PNPT1: variants seen among roughly 807,000 people sequenced by gnomAD.
PNPT1 encodes the protein polyribonucleotide nucleotidyltransferase 1, mitochondrial.
A neutral mutation model predicts 119.5 loss-of-function variants in PNPT1; 53 were observed. The ratio of observed to expected loss-of-function variants is 0.44; its 90% CI spans 0.36 to 0.56. The LOEUF (loss-of-function observed/expected upper bound fraction) is 0.56, where lower values mean the gene tolerates loss of function less well. PNPT1 is among the 20% of genes least tolerant of loss of function. The pLI is 0.00. For synonymous variants in PNPT1, 357 were observed against 322.1 expected, an observed-to-expected ratio of 1.11 and a Z score of -1.16; for missense variants, 948 against 938.5, an observed-to-expected ratio of 1.01 and a Z score of -0.13.
intron 18 of PNPT1, among the ~76,000 whole-genome samples, chr2:55,653,271 T>C (rs773952829): frequency 1.3e-5 from 2 of 152,234 alleles, no homozygotes; most frequent in Non-Finnish European, 2.9e-5. Context: ...CTTCCAATAA[T>C]AAGAACGTTT....
chr2:55,656,407 T>C (rs1433896360), intron 15 of PNPT1, 36 bp from the exon 16 acceptor site: 28 of 1,527,716 alleles, frequency 1.8e-5, no homozygotes, highest in Middle Eastern at 1.7e-4. Context: ...ACATATACAA[T>C]TGACATAGAA....
rs562157813 is a variant in PNPT1, at chr2:55,669,843, C to G, written c.976+1476G>C. On this transcript the variant is annotated intron_variant, in intron 11 of 27. Coordinates refer to ENST00000447944, the MANE Select transcript of PNPT1 (RefSeq NM_033109.5). ...TGGCGGTCTCAGCTCACTACAACCT[C>G]TGCCTAACAGGTTCAAGTGATTCTC... Among the ~76,000 whole-genome samples the G allele has an allele frequency of 5.9e-4, 89 of 151,046 alleles. 2 individuals are homozygous for G. The South Asian group carries it at 0.016, about 28-fold the overall frequency.
At chr2:55,692,513 ACTT>A (rs1697649240) in intron 1 of PNPT1, among the ~76,000 whole-genome samples, 2 of 152,232 alleles carry the variant, frequency 1.3e-5, no homozygotes, top group African/African-American at 4.8e-5. Flanking sequence ...ATTAAAGCAA[ACTT>A]TTTTTTTAAA....
rs537388085 is a variant in PNPT1 at position 55,667,727 on chromosome 2, A to G, written c.1073+135T>C. ...TGTACTTTTTCTTCAATAGGTGTCC[A>G]TTTATATAGCAAATATTATAATTCT... On this transcript the variant is annotated intron_variant, in intron 12 of 27. Coordinates refer to ENST00000447944, the MANE Select transcript of PNPT1 (RefSeq NM_033109.5). 8 of 1,222,108 alleles carry G rather than the reference A, an allele frequency of 6.5e-6. No individual in the cohort carries two copies. In the South Asian group the frequency reaches 1.3e-4, roughly 20 times the overall value. 75.7% of individuals were successfully genotyped at this position (1,222,108 alleles called of 1,614,324 possible).
intron 26 of PNPT1, among the ~76,000 whole-genome samples, chr2:55,637,884 C>T (rs1695723366): frequency 6.6e-6 from 1 of 151,668 alleles, no homozygotes; most frequent in Non-Finnish European, 1.5e-5. Flanking sequence ...CCTGTAGTCC[C>T]AGCTACTCAG....
intron 14 of PNPT1, among the ~76,000 whole-genome samples, chr2:55,661,453 C>T (rs1307379354): frequency 1.3e-5 from 2 of 152,052 alleles, no homozygotes; most frequent in South Asian, 2.1e-4. Context: ...TTCTTATCAT[C>T]GGAATTGATT....
intron 18 of PNPT1, among the ~76,000 whole-genome samples, chr2:55,653,860 G>A (rs914517812): frequency 6.6e-6 from 1 of 152,072 alleles, no homozygotes; most frequent in Non-Finnish European, 1.5e-5. Flanking sequence ...AATGTGTTAA[G>A]TTATCAGAGA....
At chr2:55,665,172 T>C (rs1003979113) in intron 13 of PNPT1, among the ~76,000 whole-genome samples, 1 of 152,212 alleles carries the variant, frequency 6.6e-6, no homozygotes, top group Admixed American at 6.5e-5. Flanking sequence ...GACTATCATA[T>C]GGTGACATCA....
chr2:55,677,902 C>A (rs1697128725), intron 8 of PNPT1, among the ~76,000 whole-genome samples: 2 of 151,922 alleles, frequency 1.3e-5, no homozygotes, highest in African/African-American at 4.8e-5. Flanking sequence ...ACACGCCCGG[C>A]TAATTTTTTT....
At chr2:55,674,232 G>T (rs1696996969) in intron 8 of PNPT1, among the ~76,000 whole-genome samples, 1 of 152,092 alleles carries the variant, frequency 6.6e-6, no homozygotes, top group Non-Finnish European at 1.5e-5. Context: ...TTTCTAAACA[G>T]AAATGAAAAA....
chr2:55,660,199 A>C lies in PNPT1; in HGVS notation c.1248-6T>G. The C allele has an allele frequency of 6.3e-7, 1 of 1,586,670 alleles. No individual in the cohort carries two copies. Among genetic ancestry groups the C allele is most frequent in the East Asian group, 2.3e-5 (1 of 44,342 alleles). ...AATTTTTATCTTTTATCCCACTAAAAATAAAAGGCATAATATTAAAAACAT... is the reference window on the plus strand; with the variant it reads ...AATTTTTATCTTTTATCCCACTAAACATAAAAGGCATAATATTAAAAACAT... On this transcript the variant is annotated splice_polypyrimidine_tract_variant and splice_region_variant and intron_variant, in intron 14 of 27. Transcript: ENST00000447944.
chr2:55,649,607 C>T (rs528242850), intron 18 of PNPT1, among the ~76,000 whole-genome samples: 2 of 152,104 alleles, frequency 1.3e-5, no homozygotes, highest in East Asian at 1.9e-4. Context: ...CATCTCATTC[C>T]GCAGGGCTAT....
At chr2:55,671,942 A>AC in intron 10 of PNPT1, 53 bp downstream of exon 10, 1 of 1,343,876 alleles carries the variant, frequency 7.4e-7, no homozygotes. Context: ...ATGAGTTATG[A>AC]CAAAAATGTA....
chr2:55,668,768 T>C (rs1256314870), intron 11 of PNPT1, among the ~76,000 whole-genome samples: 1 of 152,090 alleles, frequency 6.6e-6, no homozygotes, highest in East Asian at 1.9e-4. Context: ...CCTGGCTAAT[T>C]TGTGTATCTT....
chr2:55,667,232 G>C, intron 12 of PNPT1, 139 bp from the exon 13 acceptor site: 1 of 631,152 alleles, frequency 1.6e-6, no homozygotes, highest in East Asian at 2.8e-5. Flanking sequence ...ATAGATACTT[G>C]AGCACTATCC....
intron 1 of PNPT1, 92 bp downstream of exon 1, chr2:55,693,571 G>C: frequency 6.5e-7 from 1 of 1,530,576 alleles, no homozygotes; most frequent in Non-Finnish European, 8.9e-7. Flanking sequence ...ATAGAGCTGG[G>C]ATACCGGGTT....
At chr2:55,647,305 TA>T in intron 19 of PNPT1, 41 bp downstream of exon 19, 1 of 1,414,636 alleles carries the variant, frequency 7.1e-7, no homozygotes, top group Non-Finnish European at 9.8e-7. Flanking sequence ...TATTTATTTT[TA>T]GTCTTCATTA....
chr2:55,672,431 A>C (rs892605483), intron 9 of PNPT1, among the ~76,000 whole-genome samples: 3 of 152,232 alleles, frequency 2.0e-5, no homozygotes, highest in Non-Finnish European at 4.4e-5. Context: ...TGGCTGTGCA[A>C]CTGACATTAA....
rs1268508934 is a variant in PNPT1 at position 55,643,348 on chromosome 2, C to T, written c.1984G>A (p.Asp662Asn). ...PTPSAMHEAR[D>N]FITEICKDDQ... ...TCCTTGCAGATTTCAGTAATGAAGT[C>T]TCTTGCCTCATGCATAGCACTGGGT... The change falls in exon 24 of 28, where the codon GAC becomes AAC. Residue 662 changes from aspartate (D) to asparagine (N), a missense_variant. Physicochemically the swap from Asp to Asn is conservative, Grantham distance 23. Transcript: ENST00000447944. The T allele has an allele frequency of 6.2e-7, 1 of 1,614,096 alleles. No individual in the cohort carries two copies. Among genetic ancestry groups the T allele is most frequent in the Non-Finnish European group, 8.5e-7 (1 of 1,180,034 alleles).
Sources: gnomAD v4.1 joint callset for allele counts (sites outside exome capture counted in the v4.1 genomes callset) on GRCh38, gnomAD v4.1.1 for gene constraint, MANE v1.5 for transcripts, NCBI Gene and HGNC (gene_info 2026-07-23, HGNC 2026-07-21) for gene names.